Variants in SLC25A26 observed in about 807,000 individuals in gnomAD.
The protein encoded by SLC25A26 is solute carrier family 25 member 26.
Under a neutral mutation model 37.8 loss-of-function variants are expected in SLC25A26, and 36 were observed. The observed-to-expected ratio is 0.95, with a 90% CI of 0.73 to 1.26. The LOEUF is 1.26. Ranked by LOEUF, SLC25A26 falls within the 50% of genes most tolerant of loss-of-function variation. The pLI is 0.00. For missense variants in SLC25A26, 390 were observed against 331.1 expected (o/e 1.18, Z -1.38); for synonymous variants, 129 against 122.5 (o/e 1.05, Z -0.35).
rs148633320 is a variant in SLC25A26 at position 66,288,790 on chromosome 3, T to C, written c.453+25411T>C. ...TGAATAGTGCCGCAATAAACATACT[T>C]GTGCATGTGTCTTTATAGTAGAATG... On this transcript the variant is annotated intron_variant, in intron 5 of 9. Transcript: ENST00000354883. Among the ~76,000 whole-genome samples the C allele has an allele frequency of 2.7e-3, 404 of 152,332 alleles. 2 individuals carry two copies. Among genetic ancestry groups the C allele is most frequent in the African/African-American group, 9.1e-3 (379 of 41,566 alleles).
chr3:66,156,964 A>G (rs1446897101), intron 1 of SLC25A26, among the ~76,000 whole-genome samples: 1 of 152,154 alleles, frequency 6.6e-6, no homozygotes, highest in African/African-American at 2.4e-5. Context: ...CGGGCATGGT[A>G]GCTCACAGCT....
chr3:66,300,747 G>C (rs1030921618), intron 5 of SLC25A26, among the ~76,000 whole-genome samples: 1 of 152,138 alleles, frequency 6.6e-6, no homozygotes, highest in Non-Finnish European at 1.5e-5. Flanking sequence ...ATTTTAGACT[G>C]TAGCATATAC....
At chr3:66,235,684 A>G (rs2072243727) in intron 1 of SLC25A26, among the ~76,000 whole-genome samples, 1 of 152,230 alleles carries the variant, frequency 6.6e-6, no homozygotes, top group Non-Finnish European at 1.5e-5. Flanking sequence ...GTCTGACGTG[A>G]AAAGATAAAT....
At chr3:66,216,924 C>G (rs1383659643), upstream of SLC25A26, among the ~76,000 whole-genome samples, 3 of 152,124 alleles carry the variant, frequency 2.0e-5, no homozygotes, top group African/African-American at 7.2e-5. Flanking sequence ...AGTAATGAGT[C>G]TTTCTGCTAG....
chr3:66,266,294 T>C (rs1329987707), intron 5 of SLC25A26, among the ~76,000 whole-genome samples: 1 of 152,240 alleles, frequency 6.6e-6, no homozygotes, highest in Non-Finnish European at 1.5e-5. Context: ...ATACATCTGC[T>C]TTAAGCAGAA....
intron 5 of SLC25A26, among the ~76,000 whole-genome samples, chr3:66,343,832 A>G (rs1323483786): frequency 6.6e-6 from 1 of 152,212 alleles, no homozygotes; most frequent in Non-Finnish European, 1.5e-5. Flanking sequence ...GCTTTTAGAA[A>G]CCTATTACAC....
chr3:66,139,148 C>T (rs760793517), intron 1 of SLC25A26, among the ~76,000 whole-genome samples: 10 of 151,744 alleles, frequency 6.6e-5, no homozygotes, highest in Non-Finnish European at 1.0e-4. Context: ...CTTCTCTTTA[C>T]TGTATTTTGC....
intron 6 of SLC25A26, among the ~76,000 whole-genome samples, chr3:66,353,975 G>T (rs1028289371): frequency 2.0e-5 from 3 of 152,204 alleles, no homozygotes; most frequent in African/African-American, 7.2e-5. Flanking sequence ...TCTTTTTCAA[G>T]TTGAATGCAA....
chr3:66,192,370 A>T (rs2070962430), intron 1 of SLC25A26, among the ~76,000 whole-genome samples: 1 of 149,986 alleles, frequency 6.7e-6, no homozygotes, highest in Admixed American at 6.7e-5. Flanking sequence ...CCCTCTCTCG[A>T]CCCTCCAGCA....
chr3:66,360,804 C>T (rs1045598685), intron 6 of SLC25A26, among the ~76,000 whole-genome samples: 1 of 152,170 alleles, frequency 6.6e-6, no homozygotes, highest in African/African-American at 2.4e-5. Context: ...GAAGAAAACC[C>T]CTCAACATTA....
intron 5 of SLC25A26, among the ~76,000 whole-genome samples, chr3:66,281,996 ATTT>A (rs71105977): frequency 4.6e-3 from 298 of 64,450 alleles, no homozygotes; most frequent in African/African-American, 0.022. Flanking sequence ...CTGATTTTGC[ATTT>A]TTTTTTTTTT....
intron 1 of SLC25A26, among the ~76,000 whole-genome samples, chr3:66,213,617 C>G (rs2071318176): frequency 1.3e-5 from 2 of 152,022 alleles, no homozygotes; most frequent in African/African-American, 4.8e-5. Context: ...AATCAATGGA[C>G]CTGCATTGAA....
intron 1 of SLC25A26, chr3:66,134,112 C>A (rs986188948): frequency 2.6e-5 from 4 of 152,210 alleles, no homozygotes; most frequent in Non-Finnish European, 5.9e-5. Context: ...TTTTAACAGA[C>A]TTCCCTCCAG....
intron 1 of SLC25A26, among the ~76,000 whole-genome samples, chr3:66,201,515 A>T (rs1350221376): frequency 6.6e-6 from 1 of 151,844 alleles, no homozygotes; most frequent in Admixed American, 6.6e-5. Context: ...TTATTTTTTT[A>T]AATAGAGATG....
rs3772197 is a variant in SLC25A26 at position 66,243,264 on chromosome 3, A to T, written c.252A>T (p.Ser84=). The stretch of plus-strand genomic sequence containing the variant: ...GGTTTTTGCATGCTGATTCATCTTC[A>T]TATTTGACACCTATGAAACATATGT... ...VKWFLHADSS[S]YLTPMKHMLA... Residue 84 remains serine (S), a synonymous_variant, in exon 3 of 10, where the codon TCA becomes TCT. Transcript: ENST00000354883. The T allele has an allele frequency of 6.2e-7, 1 of 1,608,248 alleles. No individual in the cohort carries two copies. Among genetic ancestry groups the T allele is most frequent in the Non-Finnish European group, 8.5e-7 (1 of 1,176,258 alleles).
At chr3:66,355,102 C>T (rs2076545884) in intron 6 of SLC25A26, among the ~76,000 whole-genome samples, 1 of 152,094 alleles carries the variant, frequency 6.6e-6, no homozygotes. Flanking sequence ...TAAAATCTAG[C>T]CCAGTCAGTT....
At chr3:66,180,620 A>G (rs1008785179) in intron 1 of SLC25A26, among the ~76,000 whole-genome samples, 3 of 152,140 alleles carry the variant, frequency 2.0e-5, no homozygotes. Flanking sequence ...ATGGGAGAGC[A>G]AGTTATCTGG....
chr3:66,194,895 C>A (rs1294959533), intron 1 of SLC25A26, among the ~76,000 whole-genome samples: 1 of 152,208 alleles, frequency 6.6e-6, no homozygotes, highest in Non-Finnish European at 1.5e-5. Flanking sequence ...GACACCGCGC[C>A]GGGCCCAAAA....
intron 1 of SLC25A26, among the ~76,000 whole-genome samples, chr3:66,182,108 C>T (rs1483479474): frequency 6.6e-6 from 1 of 151,942 alleles, no homozygotes; most frequent in Non-Finnish European, 1.5e-5. Flanking sequence ...GCAACTAGGA[C>T]AAAAAGAAAG....
Sources: allele counts gnomAD v4.1 joint callset (sites outside exome capture counted in the v4.1 genomes callset), GRCh38; gene constraint gnomAD v4.1.1; transcripts MANE v1.5; gene names NCBI Gene and HGNC (gene_info 2026-07-23, HGNC 2026-07-21).